Variants in CXXC1 observed in about 807,000 individuals in gnomAD.
CXXC1 encodes CXXC-type zinc finger protein 1.
CXXC1 carries 21 observed loss-of-function variants against 83.6 expected under a neutral mutation model. The ratio of observed to expected loss-of-function variants is 0.25; its 90% CI spans 0.18 to 0.36. The LOEUF (loss-of-function observed/expected upper bound fraction) is 0.36, where lower values mean the gene tolerates loss of function less well. Among genes scored for constraint, CXXC1 ranks in the 10% least tolerant of loss-of-function variants. The pLI is 1.00. For synonymous variants in CXXC1, 371 were observed against 337.5 expected (o/e 1.10, Z -1.09); for missense variants, 688 against 919.5 (o/e 0.75, Z 3.26).
At position 50,282,483 on chromosome 18, in the gene CXXC1, G is replaced by T. The variant is rs896577828; in HGVS notation, c.*110C>A. 7.2e-7 allele frequency: 1 copy of T among 1,392,738 alleles called. No individual in the cohort carries two copies. 86.3% of individuals were successfully genotyped at this position (1,392,738 alleles called of 1,614,324 possible). On this transcript the variant is annotated 3_prime_UTR_variant, in exon 15 of 15. Coordinates refer to ENST00000285106, the MANE Select transcript of CXXC1 (RefSeq NM_014593.4). The surrounding 1 kb of genome is among the most constrained non-coding windows in gnomAD (Gnocchi z 5.8). ...AAGGCAGATGGGCGGTCAACCGGTG[G>T]ATGGGCACAGGGAGAACCGGAGAAA...
In CXXC1 at chr18:50,283,504, C is replaced by A; in HGVS notation, c.1574+11G>T. 6.2e-7 allele frequency: 1 copy of A among 1,613,824 alleles called. No homozygotes were observed. The highest frequency in any genetic ancestry group is 8.5e-7 in the Non-Finnish European group (1 of 1,179,860). ...ACCCCCCACCTCTCACTGCGTGGCA[C>A]CCTCACTTACCCTTCAATGCGTGTG... On this transcript the variant is annotated intron_variant, in intron 12 of 14. Transcript: ENST00000285106.
rs915089053 is a variant in CXXC1 at position 50,287,160 on chromosome 18, C to A, written c.4-302G>T. The A allele has an allele frequency of 2.9e-5, 15 of 518,826 alleles. No individual in the cohort carries two copies. In the Admixed American group the frequency reaches 3.3e-4, roughly 11 times the overall value. 32.1% of individuals were successfully genotyped at this position (518,826 alleles called of 1,614,324 possible). ...CTCACAGACCCCGCGTAACTCACTG[C>A]GGACTTCCCATCGCGGTTCTCCACG... On this transcript the variant is annotated intron_variant, in intron 1 of 14. Coordinates refer to ENST00000285106, the MANE Select transcript of CXXC1 (RefSeq NM_014593.4).
chr18:50,287,149 G>C (rs1461904363), intron 1 of CXXC1: 1 of 525,680 alleles, frequency 1.9e-6, no homozygotes, highest in Non-Finnish European at 3.4e-6. Context: ...CAGACCCCGC[G>C]TAACTCACTG....
At chr18:50,284,923 C>T (rs781734201) in intron 7 of CXXC1, 79 bp downstream of exon 7, 6 of 1,612,130 alleles carry the variant, frequency 3.7e-6, no homozygotes, top group African/African-American at 1.3e-5. Flanking sequence ...GCCTTCCATA[C>T]CCTCTGTCTC....
intron 1 of CXXC1, 121 bp downstream of exon 1, chr18:50,287,466 G>A (rs775099972): frequency 1.7e-5 from 21 of 1,207,806 alleles, no homozygotes; most frequent in Non-Finnish European, 2.4e-5. Context: ...ATAGACTCCC[G>A]CCGTTCAGTC....
chr18:50,286,358 C>G (rs2040714649), intron 3 of CXXC1, 101 bp from the exon 4 acceptor site: 4 of 1,176,116 alleles, frequency 3.4e-6, no homozygotes, highest in African/African-American at 1.5e-5. Context: ...ACCCACCCAC[C>G]TACTCTGCAC....
Position 50,282,985 on chromosome 18 carries a change from C to G in CXXC1, c.1693G>C (p.Gly565Arg). ...DPKVPADEVC[G>R]CPLVRDVFEL... Reference sequence around the variant, plus strand: ...AAGACATCACGTACAAGGGGGCACCCGCATACCTCGTCAGCTGGCACCTGC... The same window carrying G: ...AAGACATCACGTACAAGGGGGCACCGGCATACCTCGTCAGCTGGCACCTGC... Residue 565 changes from glycine (G) to arginine (R), a missense_variant, in exon 14 of 15, where the codon GGG (glycine) becomes CGG (arginine). Transcript: ENST00000285106. This position sits in a 1 kb window ranked among gnomAD's most constrained non-coding sequence, Gnocchi z 5.8. 2 of 1,614,072 alleles carry G rather than the reference C, an allele frequency of 1.2e-6. No individual in the cohort carries two copies. The highest frequency in any genetic ancestry group is 1.7e-6 in the Non-Finnish European group (2 of 1,180,032).
Position 50,286,772 on chromosome 18 carries a change from G to A in CXXC1, c.90C>T (p.Ile30=), listed in dbSNP as rs202203975. ...ENGENAPIYC[I]CRKPDINCFM... is the part of the protein sequence containing the mutation. ...AGCAGTTGATGTCCGGTTTGCGGCA[G>A]ATGCAGTAGATGGGCGCATTCTCCC... The change falls in exon 2 of 15, where the codon ATC becomes ATT. Residue 30 remains isoleucine, a synonymous_variant. Coordinates refer to ENST00000285106, the MANE Select transcript of CXXC1 (RefSeq NM_014593.4). 5.0e-6 allele frequency: 8 copies of A among 1,614,104 alleles called. No homozygotes were observed. In the Middle Eastern group the frequency reaches 4.9e-4, roughly 100 times the overall value.
Position 50,284,720 on chromosome 18 carries a change from CCT to C in CXXC1, c.1020+10_1020+11del. 2 of 1,612,466 alleles carry C rather than the reference CCT, an allele frequency of 1.2e-6. No individual in the cohort carries two copies. Among genetic ancestry groups the C allele is most frequent in the Non-Finnish European group, 1.7e-6 (2 of 1,179,230 alleles). On this transcript the variant is annotated intron_variant, in intron 8 of 14. Coordinates refer to ENST00000285106, the MANE Select transcript of CXXC1 (RefSeq NM_014593.4). Reference sequence around the variant, plus strand: ...CTCTGCCTTTCCACATCCACTTTACCCTCTCCATCACCTTCTTCTCAGACTTC... The same window carrying C: ...CTCTGCCTTTCCACATCCACTTTACCCTCCATCACCTTCTTCTCAGACTTC...
Position 50,282,939 on chromosome 18 carries a change from C to A in CXXC1, c.1739G>T (p.Cys580Phe). 1 of 1,614,196 alleles carries A rather than the reference C, an allele frequency of 6.2e-7. No homozygotes were observed. The highest frequency in any genetic ancestry group is 8.5e-7 in the Non-Finnish European group (1 of 1,180,052). Reference sequence around the variant, plus strand: ...ATTGCACTGGCGCTTGGGCAGGCGGCAGAAGTCACCCGTGAGCTCAAAGAC... The same window carrying A: ...ATTGCACTGGCGCTTGGGCAGGCGGAAGAAGTCACCCGTGAGCTCAAAGAC... ...RDVFELTGDF[C>F]RLPKRQCNRH... is the part of the protein sequence containing the mutation. Residue 580 changes from cysteine (C) to phenylalanine (F), a missense_variant, in exon 14 of 15, where the codon TGC becomes TTC. Coordinates refer to ENST00000285106, the MANE Select transcript of CXXC1 (RefSeq NM_014593.4). This position sits in a 1 kb window ranked among gnomAD's most constrained non-coding sequence, Gnocchi z 5.8.
rs1331577788 is a variant in CXXC1 at position 50,286,187 on chromosome 18, G to C, written c.294C>G (p.Asp98Glu). The change falls in exon 4 of 15, where the codon GAC becomes GAG. Residue 98 changes from aspartate (D) to glutamate (E), a missense_variant. Transcript: ENST00000285106. ...CACCCTCATCCCGGGGCTCACTGCT[G>C]TCCCGCTCATTGCCATCCCGCTCCC... The part of the protein sequence containing the change: ...KSRERDGNER[D>E]SSEPRDEGGG... 6.2e-7 allele frequency: 1 copy of C among 1,613,774 alleles called. No homozygotes were observed. The highest frequency in any genetic ancestry group is 8.5e-7 in the Non-Finnish European group (1 of 1,179,990).
chr18:50,287,176 G>C, intron 1 of CXXC1: 1 of 510,848 alleles, frequency 2.0e-6, no homozygotes, highest in East Asian at 3.3e-5. Context: ...TCCCATCGCG[G>C]TTCTCCACGC....
Position 50,285,513 on chromosome 18 carries a change from T to A in CXXC1, c.640-162A>T, listed in dbSNP as rs2040699713. The A allele has an allele frequency of 2.0e-6, 2 of 1,004,896 alleles. No individual in the cohort carries two copies. Among genetic ancestry groups the A allele is most frequent in the Non-Finnish European group, 1.4e-6 (1 of 692,884 alleles). The allele number at this position is 1,004,896 out of a possible 1,614,324, so 62.2% of individuals were successfully genotyped here. ...CCTGCCTGATCTGTACCAACATGCA[T>A]GACCACCTGAAAACACCTGGCCCCA... On this transcript the variant is annotated intron_variant, in intron 5 of 14. Transcript: ENST00000285106. This position sits in a 1 kb window ranked among gnomAD's most constrained non-coding sequence, Gnocchi z 4.4.
chr18:50,284,935 T>G (rs2276366), intron 7 of CXXC1, 67 bp downstream of exon 7: 270,010 of 1,612,102 alleles, frequency 0.17, 24,369 homozygotes, highest in South Asian at 0.22. Context: ...CTCTGTCTCC[T>G]CATTAGGGAT....
chr18:50,282,541 G>A lies in CXXC1; in HGVS notation c.*52C>T, dbSNP rs374395031. 3 of 1,592,734 alleles carry A rather than the reference G, an allele frequency of 1.9e-6. No individual in the cohort carries two copies. The highest frequency in any genetic ancestry group is 2.6e-6 in the Non-Finnish European group (3 of 1,174,726). ...GTGGAGGAACGGACACACGGGCACC[G>A]GGCGGCTCCCCCATCTGGAATGCAG... On this transcript the variant is annotated 3_prime_UTR_variant, in exon 15 of 15. Coordinates refer to ENST00000285106, the MANE Select transcript of CXXC1 (RefSeq NM_014593.4). The surrounding 1 kb of genome is among the most constrained non-coding windows in gnomAD (Gnocchi z 5.8).
intron 13 of CXXC1, 74 bp from the exon 14 acceptor site, chr18:50,283,080 A>C: frequency 6.5e-7 from 1 of 1,536,670 alleles, no homozygotes; most frequent in African/African-American, 1.4e-5. Flanking sequence ...AAGGAGGGAG[A>C]AGGAAAAGAA....
Position 50,286,548 on chromosome 18 carries a change from C to T in CXXC1, c.214G>A (p.Glu72Lys), listed in dbSNP as rs1778289444. Residue 72 changes from glutamate (E) to lysine (K), a missense_variant, in exon 3 of 15, where the codon GAG becomes AAG. Physicochemically the swap from Glu to Lys is moderately conservative, Grantham distance 56. Transcript: ENST00000285106. Reference sequence around the variant, plus strand: ...CATCCATGGCCCTCACCTCTGCACTCCCGACAGTACCACTCCCGGATGGCC... The same window carrying T: ...CATCCATGGCCCTCACCTCTGCACTTCCGACAGTACCACTCCCGGATGGCC... ...AKAIREWYCR[E>K]CREKDPKLEI... 7 of 1,613,988 alleles carry T rather than the reference C, an allele frequency of 4.3e-6. No individual in the cohort carries two copies. Among genetic ancestry groups the T allele is most frequent in the Non-Finnish European group, 5.9e-6 (7 of 1,179,850 alleles).
At position 50,283,154 on chromosome 18, in the gene CXXC1, A is replaced by G. The variant is rs1472963829; in HGVS notation, c.1671+111T>C. ...AGGAATGGAGGGTGAAGCAGCAGGG[A>G]AGCTGAGAGGAAAAAGTGAAGGAAA... is the stretch of plus-strand genomic sequence containing the variant. On this transcript the variant is annotated intron_variant, in intron 13 of 14. Transcript: ENST00000285106. The G allele has an allele frequency of 3.2e-6, 4 of 1,268,528 alleles. No individual in the cohort carries two copies. The Admixed American group carries it at 6.9e-5, about 22-fold the overall frequency. The allele number at this position is 1,268,528 out of a possible 1,614,324, so 78.6% of individuals were successfully genotyped here. A position where few individuals can be genotyped will look rare whatever the true frequency, so the allele number is the denominator to read the frequency against.
chr18:50,285,675 C>T lies in CXXC1; in HGVS notation c.639+74G>A, dbSNP rs760169246. ...CCAATCCCACCTGGTTTATCCATGC[C>T]TAGACTTAACTAACCATGCATGGAC... On this transcript the variant is annotated intron_variant, in intron 5 of 14. Transcript: ENST00000285106. This position sits in a 1 kb window ranked among gnomAD's most constrained non-coding sequence, Gnocchi z 4.4. The T allele has an allele frequency of 1.3e-6, 2 of 1,543,072 alleles. No individual in the cohort carries two copies. The highest frequency in any genetic ancestry group is 1.7e-5 in the Admixed American group (1 of 58,538).
Sources: gnomAD v4.1 joint callset for allele counts on GRCh38, gnomAD v4.1.1 for gene constraint, Gnocchi (gnomAD v3.1) non-coding constraint, MANE v1.5 for transcripts, NCBI Gene and HGNC (gene_info 2026-07-23, HGNC 2026-07-21) for gene names.